The following KCNMB2 variants were observed in gnomAD, a reference collection of about 807,000 sequenced individuals.
The protein encoded by KCNMB2 is calcium-activated potassium channel subunit beta-2.
Under a neutral mutation model 24.5 loss-of-function variants are expected in KCNMB2, and 9 were observed. The observed-to-expected ratio is 0.37, with a 90% CI of 0.22 to 0.64. The LOEUF (loss-of-function observed/expected upper bound fraction) is 0.64. KCNMB2 is among the 30% of genes least tolerant of loss of function. The probability of loss-of-function intolerance (pLI) is 0.63; values close to 1 mark genes in which losing one functional copy is unlikely to be tolerated. For missense variants in KCNMB2, 226 were observed against 284.3 expected (o/e 0.79, Z 1.47); for synonymous variants, 109 against 104.4 (o/e 1.04, Z -0.27).
chr3:178,738,076 C>T lies in KCNMB2; in HGVS notation c.-67-69267C>T, dbSNP rs2108374086. Among the ~76,000 whole-genome samples the T allele has an allele frequency of 1.3e-5, 2 of 152,272 alleles. 1 individual carries two copies. Among genetic ancestry groups the T allele is most frequent in the Middle Eastern group, 6.8e-3 (2 of 294 alleles). On this transcript the variant is annotated intron_variant, in intron 1 of 4. Coordinates refer to ENST00000452583, the MANE Select transcript of KCNMB2 (RefSeq NM_181361.3). ...GTCAGTGTATTTGCTGATTGATTAA[C>T]CACTTTTATTAACCTTTAGTACTAA...
chr3:178,805,831 T>C (rs1713946487), intron 1 of KCNMB2, among the ~76,000 whole-genome samples: 1 of 152,028 alleles, frequency 6.6e-6, no homozygotes, highest in African/African-American at 2.4e-5. Context: ...AGAGACGGGA[T>C]CTTGCTATGT....
At chr3:178,809,243 C>A (rs955280171) in intron 2 of KCNMB2, among the ~76,000 whole-genome samples, 4 of 152,178 alleles carry the variant, frequency 2.6e-5, no homozygotes, top group Non-Finnish European at 4.4e-5. Flanking sequence ...TTGTAACTGT[C>A]AACAGCCAGC....
intron 1 of KCNMB2, among the ~76,000 whole-genome samples, chr3:178,631,223 C>T (rs936368262): frequency 1.8e-4 from 28 of 152,124 alleles, no homozygotes; most frequent in Admixed American, 1.6e-3. Flanking sequence ...GTCATCTTCC[C>T]ACTTCATATT....
At chr3:178,755,905 T>C (rs1166107899) in intron 1 of KCNMB2, among the ~76,000 whole-genome samples, 3 of 152,106 alleles carry the variant, frequency 2.0e-5, no homozygotes, top group East Asian at 3.8e-4. Flanking sequence ...ATGCCAGATA[T>C]AGAATGAGAA....
chr3:178,744,074 C>T (rs1309288386), intron 1 of KCNMB2, among the ~76,000 whole-genome samples: 5 of 152,072 alleles, frequency 3.3e-5, no homozygotes, highest in Non-Finnish European at 7.4e-5. Flanking sequence ...TTTTTAACTA[C>T]CTGCAGAGAT....
chr3:178,582,259 G>A (rs1323020765), intron 1 of KCNMB2, among the ~76,000 whole-genome samples: 5 of 152,102 alleles, frequency 3.3e-5, no homozygotes, highest in Non-Finnish European at 7.4e-5. Context: ...AACTAACACA[G>A]GAACAGAAAA....
At chr3:178,655,093 TCC>T (rs796723226) in intron 1 of KCNMB2, among the ~76,000 whole-genome samples, 1,497 of 117,652 alleles carry the variant, frequency 0.013, 35 homozygotes, top group African/African-American at 0.048. Context: ...ATATTAGCTC[TCC>T]CTCTCTCTCT....
intron 1 of KCNMB2, among the ~76,000 whole-genome samples, chr3:178,716,691 C>T (rs559884109): frequency 2.6e-5 from 4 of 152,286 alleles, no homozygotes; most frequent in South Asian, 2.1e-4. Flanking sequence ...GATTTGCCCA[C>T]TTCGGCCTCT....
At chr3:178,707,150 T>C (rs1722306736) in intron 1 of KCNMB2, among the ~76,000 whole-genome samples, 1 of 152,048 alleles carries the variant, frequency 6.6e-6, no homozygotes, top group South Asian at 2.1e-4. Flanking sequence ...AGGGTCAAAT[T>C]TCAGGGCCTC....
chr3:178,828,426 C>A, intron 4 of KCNMB2, 53 bp downstream of exon 4: 2 of 1,344,562 alleles, frequency 1.5e-6, no homozygotes, highest in Non-Finnish European at 2.1e-6. Context: ...TCACACCAGG[C>A]TCTCTGCCTC....
chr3:178,721,630 A>C (rs893014416), intron 1 of KCNMB2, among the ~76,000 whole-genome samples: 2 of 152,206 alleles, frequency 1.3e-5, no homozygotes, highest in Admixed American at 6.5e-5. Flanking sequence ...GTGTATGTTT[A>C]ACTTTGTAAG....
At chr3:178,645,437 C>G (rs1719887723) in intron 1 of KCNMB2, among the ~76,000 whole-genome samples, 1 of 152,106 alleles carries the variant, frequency 6.6e-6, no homozygotes, top group Non-Finnish European at 1.5e-5. Context: ...GATTCCAGTG[C>G]CATTCATTTC....
chr3:178,815,759 T>C (rs1714381545), intron 2 of KCNMB2, among the ~76,000 whole-genome samples: 1 of 152,030 alleles, frequency 6.6e-6, no homozygotes, highest in Non-Finnish European at 1.5e-5. Context: ...TTTTGTCAAA[T>C]ATGTTTATCT....
Position 178,843,193 on chromosome 3 carries a change from C to G in KCNMB2, c.*256C>G, listed in dbSNP as rs756848575. ...TGTACTGGAACTAGTACTTTCTTCT[C>G]TCATTCCGCCAAAACAGGGCTCAGT... On this transcript the variant is annotated 3_prime_UTR_variant, in exon 5 of 5. Transcript: ENST00000452583. The G allele has an allele frequency of 1.8e-6, 1 of 559,914 alleles. No individual in the cohort carries two copies. Among genetic ancestry groups the G allele is most frequent in the Admixed American group, 2.2e-5 (1 of 45,594 alleles). 34.7% of individuals were successfully genotyped at this position (559,914 alleles called of 1,614,324 possible).
At chr3:178,736,267 A>G (rs975729827) in intron 1 of KCNMB2, among the ~76,000 whole-genome samples, 1 of 152,228 alleles carries the variant, frequency 6.6e-6, no homozygotes, top group Non-Finnish European at 1.5e-5. Context: ...TGAGGACTCA[A>G]TAACCTTACT....
At chr3:178,799,166 G>A (rs1713675218) in intron 1 of KCNMB2, among the ~76,000 whole-genome samples, 1 of 152,102 alleles carries the variant, frequency 6.6e-6, no homozygotes, top group African/African-American at 2.4e-5. Context: ...CATAGTACTG[G>A]AAGCCCTAGT....
intron 1 of KCNMB2, among the ~76,000 whole-genome samples, chr3:178,779,786 A>G (rs778882027): frequency 1.3e-5 from 2 of 152,152 alleles, no homozygotes; most frequent in African/African-American, 2.4e-5. Context: ...GATAATAAAA[A>G]TCATTCATGA....
At chr3:178,813,948 C>CGTTGCT (rs1553780664) in intron 2 of KCNMB2, among the ~76,000 whole-genome samples, 3 of 149,590 alleles carry the variant, frequency 2.0e-5, no homozygotes, top group African/African-American at 7.5e-5. Flanking sequence ...AACTTCACTA[C>CGTTGCT]GTTGTTGTTG....
chr3:178,661,270 G>A (rs1029404317), intron 1 of KCNMB2, among the ~76,000 whole-genome samples: 1 of 151,930 alleles, frequency 6.6e-6, no homozygotes, highest in East Asian at 1.9e-4. Context: ...AGTTTGTTGA[G>A]CATGATGGTT....
Sources: allele counts gnomAD v4.1 joint callset (sites outside exome capture counted in the v4.1 genomes callset), GRCh38; gene constraint gnomAD v4.1.1; transcripts MANE v1.5; gene names NCBI Gene and HGNC (gene_info 2026-07-23, HGNC 2026-07-21).